Variants in RNF6 observed in about 807,000 individuals in gnomAD.
RNF6 encodes the protein ring finger protein 6.
Under a neutral mutation model 50.1 loss-of-function variants are expected in RNF6, and 21 were observed. That is an observed-to-expected ratio of 0.42 (90% CI 0.30 to 0.60). The LOEUF is 0.60. Ranked by LOEUF, RNF6 falls within the 20% of genes least tolerant of loss-of-function variation. The pLI, the probability that RNF6 is intolerant of heterozygous loss-of-function variation, is 0.20. For missense variants in RNF6, 698 were observed against 838.2 expected (o/e 0.83, Z 2.07); for synonymous variants, 255 against 291.8 (o/e 0.87, Z 1.29).
Position 26,184,675 on chromosome 13 carries a change from C to T in RNF6, n.768+30799G>A, listed in dbSNP as rs925343689. The stretch of plus-strand genomic sequence containing the variant: ...TCACTTCTACTCGCAGATGTTTCAA[C>T]GTTTCCTGGTCCATAATGACTGCAC... On this transcript the variant is annotated intron_variant and non_coding_transcript_variant, in intron 5 of 5. Coordinates refer to the RNF6 transcript ENST00000468480. 2.0e-5 allele frequency among the ~76,000 whole-genome samples: 3 copies of T among 152,180 alleles called. No individual in the cohort carries two copies. The East Asian group carries it at 5.8e-4, about 29-fold the overall frequency.
chr13:26,159,211 G>A (rs1333156203), intron 5 of RNF6, among the ~76,000 whole-genome samples: 1 of 152,062 alleles, frequency 6.6e-6, no homozygotes, highest in Admixed American at 6.6e-5. Flanking sequence ...TATTGCCTTT[G>A]AGCCAAAATG....
In RNF6 at chr13:26,157,234, A is replaced by T. The variant is rs186839680; in HGVS notation, n.769-24783T>A. On this transcript the variant is annotated intron_variant and non_coding_transcript_variant, in intron 5 of 5. Coordinates refer to the RNF6 transcript ENST00000468480. ...GCAAATTAAATGATATGTAAATTTT[A>T]TCCCAATAAAGCTGTTATAAACAAA... Among the ~76,000 whole-genome samples the T allele has an allele frequency of 2.0e-5, 3 of 152,338 alleles. No individual in the cohort carries two copies. The East Asian group carries it at 5.8e-4, about 29-fold the overall frequency.
intron 5 of RNF6, among the ~76,000 whole-genome samples, chr13:26,163,595 G>A (rs968756713): frequency 2.0e-5 from 3 of 152,008 alleles, no homozygotes; most frequent in Admixed American, 1.3e-4. Flanking sequence ...CTCTGTCCAG[G>A]GACCTGGGTT....
intron 5 of RNF6, among the ~76,000 whole-genome samples, chr13:26,166,133 G>A (rs1011411433): frequency 1.3e-5 from 2 of 152,150 alleles, no homozygotes; most frequent in Non-Finnish European, 2.9e-5. Flanking sequence ...TAAGTCTCAC[G>A]AGATCTGATG....
chr13:26,214,894 T>C lies in RNF6; in HGVS notation c.988A>G (p.Ser330Gly), dbSNP rs1869690279. 1 of 1,614,254 alleles carries C rather than the reference T, an allele frequency of 6.2e-7. No homozygotes were observed. The highest frequency in any genetic ancestry group is 1.7e-5 in the Admixed American group (1 of 60,032). Residue 330 changes from serine to glycine, a missense_variant, in exon 5 of 5, where the codon AGT (serine) becomes GGT (glycine). By Grantham distance (56) the Ser-to-Gly change is moderately conservative (BLOSUM62 0). Coordinates refer to ENST00000381588, the MANE Select transcript of RNF6 (RefSeq NM_005977.4). ...CTAGTGGTTTGCTGTACTGGTCTAC[T>C]TTCCCTTTGGGAATTATGATAAACA... Reference protein sequence around the residue: ...GTVYHNSQRESRPVQQTTRRS... With the variant: ...GTVYHNSQREGRPVQQTTRRS...
At chr13:26,184,694 A>T (rs1364410964) in intron 5 of RNF6, among the ~76,000 whole-genome samples, 2 of 152,208 alleles carry the variant, frequency 1.3e-5, no homozygotes, top group Non-Finnish European at 2.9e-5. Context: ...GTCCATAATG[A>T]CTGCACAATA....
chr13:26,144,821 C>T (rs1013346099), intron 5 of RNF6: 15 of 152,186 alleles, frequency 9.9e-5, no homozygotes, highest in African/African-American at 3.4e-4. Flanking sequence ...ATTTGGGCCA[C>T]TTCTTCATGT....
At chr13:26,176,537 T>C (rs146335605) in intron 5 of RNF6, among the ~76,000 whole-genome samples, 48 of 152,366 alleles carry the variant, frequency 3.2e-4, no homozygotes, top group African/African-American at 1.1e-3. Context: ...CCCTAGTACC[T>C]GTGAATGTGA....
chr13:26,171,936 T>A (rs1872713667), intron 5 of RNF6, among the ~76,000 whole-genome samples: 1 of 152,122 alleles, frequency 6.6e-6, no homozygotes, highest in South Asian at 2.1e-4. Flanking sequence ...GTTTAATGGG[T>A]GCAAAGTTTC....
At chr13:26,191,880 G>A (rs1868478313) in intron 5 of RNF6, among the ~76,000 whole-genome samples, 1 of 152,232 alleles carries the variant, frequency 6.6e-6, no homozygotes, top group South Asian at 2.1e-4. Context: ...TTTAGGGAAA[G>A]CATTGCTATA....
intron 5 of RNF6, among the ~76,000 whole-genome samples, chr13:26,148,232 C>T (rs1435075258): frequency 6.6e-6 from 1 of 152,098 alleles, no homozygotes; most frequent in African/African-American, 2.4e-5. Flanking sequence ...ATGGGGGAAA[C>T]TGCCCCCATG....
At chr13:26,145,117 A>T (rs1871159371) in intron 5 of RNF6, among the ~76,000 whole-genome samples, 1 of 152,218 alleles carries the variant, frequency 6.6e-6, no homozygotes, top group Admixed American at 6.5e-5. Flanking sequence ...GTCTTTGTCA[A>T]CAGGAATGAA....
chr13:26,134,824 T>C (rs1041175800), intron 5 of RNF6, among the ~76,000 whole-genome samples: 2 of 152,106 alleles, frequency 1.3e-5, no homozygotes, highest in South Asian at 2.1e-4. Flanking sequence ...ATAATTACCA[T>C]TGGGAATAAA....
intron 5 of RNF6, among the ~76,000 whole-genome samples, chr13:26,189,533 G>A (rs1242035031): frequency 5.9e-5 from 9 of 152,164 alleles, no homozygotes; most frequent in African/African-American, 2.2e-4. Context: ...TTTCAGAAGG[G>A]AAACTATTCT....
At chr13:26,136,594 C>G (rs747891309) in intron 5 of RNF6, among the ~76,000 whole-genome samples, 1 of 152,152 alleles carries the variant, frequency 6.6e-6, no homozygotes. Flanking sequence ...TAACACAAAT[C>G]GTTCACGGAA....
intron 5 of RNF6, among the ~76,000 whole-genome samples, chr13:26,134,199 C>A (rs537986717): frequency 1.3e-5 from 2 of 152,328 alleles, no homozygotes; most frequent in East Asian, 3.9e-4. Flanking sequence ...CCATCCACAT[C>A]GTCTCCACTG....
At chr13:26,175,410 C>A (rs543034734) in intron 5 of RNF6, among the ~76,000 whole-genome samples, 1 of 152,042 alleles carries the variant, frequency 6.6e-6, no homozygotes, top group East Asian at 1.9e-4. Flanking sequence ...ACACCTGACG[C>A]GAAGAGTAAG....
chr13:26,218,586 G>A lies in RNF6; in HGVS notation c.214C>T (p.Leu72=), dbSNP rs199978932. 45 of 1,613,792 alleles carry A rather than the reference G, an allele frequency of 2.8e-5. No homozygotes were observed. The highest frequency in any genetic ancestry group is 1.2e-4 in the Admixed American group (7 of 60,016). Residue 72 remains leucine (L), a synonymous_variant, in exon 4 of 5, where the codon CTG becomes TTG. Transcript: ENST00000381588. ...GTPGEITSEE[L]QQRLDGVKEQ... Reference sequence around the variant, plus strand: ...TTGACGCCATCTAACCGCTGTTGCAGTTCTTCTGATGTTATTTCTCCTAAA... The same window carrying A: ...TTGACGCCATCTAACCGCTGTTGCAATTCTTCTGATGTTATTTCTCCTAAA...
intron 4 of RNF6, among the ~76,000 whole-genome samples, chr13:26,217,692 C>G (rs541490836): frequency 1.3e-5 from 2 of 152,302 alleles, no homozygotes; most frequent in African/African-American, 4.8e-5. Context: ...CCAAATGTGA[C>G]TATTAAGCAC....
Sources: gnomAD v4.1 joint callset for allele counts (sites outside exome capture counted in the v4.1 genomes callset) on GRCh38, gnomAD v4.1.1 for gene constraint, MANE v1.5 for transcripts, NCBI Gene and HGNC (gene_info 2026-07-23, HGNC 2026-07-21) for gene names.